Variants in GIGYF2 observed in about 807,000 individuals in gnomAD.
The protein encoded by GIGYF2 is GRB10 interacting GYF protein 2.
A neutral mutation model predicts 208.1 loss-of-function variants in GIGYF2; 25 were observed. The ratio of observed to expected loss-of-function variants is 0.12; its 90% CI spans 0.09 to 0.17. The LOEUF (loss-of-function observed/expected upper bound fraction) is 0.17. Ranked by LOEUF, GIGYF2 falls within the 10% of genes least tolerant of loss-of-function variation. The pLI is 1.00. For missense variants in GIGYF2, 1,302 were observed against 1,579.4 expected, an observed-to-expected ratio of 0.82 and a Z score of 2.98; for synonymous variants, 534 against 543.8, an observed-to-expected ratio of 0.98 and a Z score of 0.25.
chr2:232,827,003 A>G (rs2106403242), intron 21 of GIGYF2, among the ~76,000 whole-genome samples: 1 of 152,326 alleles, frequency 6.6e-6, no homozygotes, highest in East Asian at 1.9e-4. Context: ...TTTTCAATGT[A>G]GGTGAAACAG....
At chr2:232,845,909 C>A (rs370187374) in intron 26 of GIGYF2, 23 bp downstream of exon 26, 138 of 1,490,158 alleles carry the variant, frequency 9.3e-5, no homozygotes, top group Non-Finnish European at 1.3e-4. Context: ...GAGGGAAACC[C>A]GGCATGTGGA....
chr2:232,799,050 C>T (rs1014940044), intron 14 of GIGYF2, among the ~76,000 whole-genome samples: 2 of 151,736 alleles, frequency 1.3e-5, no homozygotes, highest in Non-Finnish European at 2.9e-5. Flanking sequence ...TAAGTGGAAT[C>T]GTGCAGTATT....
At chr2:232,747,534 T>C (rs896175724) in intron 3 of GIGYF2, 81 bp from the exon 4 acceptor site, 8 of 1,480,648 alleles carry the variant, frequency 5.4e-6, no homozygotes, top group Non-Finnish European at 7.5e-6. Flanking sequence ...AGAACTAAAA[T>C]GAATTTTTTT....
In GIGYF2 at chr2:232,860,514, A is replaced by G. The variant is rs1690738223; in HGVS notation, c.*3654A>G. The G allele has an allele frequency of 6.6e-6, 1 of 151,734 alleles. No homozygotes were observed. Among genetic ancestry groups the G allele is most frequent in the South Asian group, 2.1e-4 (1 of 4,830 alleles). The allele number at this position is 151,734 out of a possible 1,614,324, so 9.4% of individuals were successfully genotyped here. The stretch of plus-strand genomic sequence containing the variant: ...TACTTTAAAATTGACTGATAACAAA[A>G]TTGGTAATTTTGTATAAAATGCCCA... On this transcript the variant is annotated 3_prime_UTR_variant, in exon 29 of 29. Coordinates refer to ENST00000373563, the MANE Select transcript of GIGYF2 (RefSeq NM_001103146.3).
chr2:232,744,680 A>G (rs545751980), intron 3 of GIGYF2, among the ~76,000 whole-genome samples: 7 of 151,826 alleles, frequency 4.6e-5, no homozygotes, highest in African/African-American at 1.4e-4. Context: ...CAGAGGCATG[A>G]GCCACCATAC....
At chr2:232,756,193 TTC>T (rs748992728) in intron 5 of GIGYF2, 28 bp from the exon 6 acceptor site, 6 of 1,257,744 alleles carry the variant, frequency 4.8e-6, no homozygotes, top group East Asian at 4.7e-5. Context: ...TTTTTCCTTT[TTC>T]TCTTTTTTTT....
chr2:232,828,212 C>T (rs1701309130), intron 21 of GIGYF2, among the ~76,000 whole-genome samples: 1 of 152,182 alleles, frequency 6.6e-6, no homozygotes, highest in South Asian at 2.1e-4. Context: ...GTCTTGAACT[C>T]CTGGGCTCAA....
intron 3 of GIGYF2, 35 bp from the exon 4 acceptor site, chr2:232,747,580 A>G: frequency 6.2e-7 from 1 of 1,613,186 alleles, no homozygotes; most frequent in Admixed American, 1.7e-5. Context: ...GTAGCACCAG[A>G]ATGTTTGACA....
At chr2:232,740,126 GAACGAATATTTGGT>G (rs1697915929) in intron 3 of GIGYF2, among the ~76,000 whole-genome samples, 1 of 151,760 alleles carries the variant, frequency 6.6e-6, no homozygotes, top group Admixed American at 6.6e-5. Context: ...TCAAGCAAAC[GAACGAATATTTGGT>G]GATTTAAAAC....
At chr2:232,800,395 C>T (rs1473270829) in intron 14 of GIGYF2, among the ~76,000 whole-genome samples, 6 of 152,172 alleles carry the variant, frequency 3.9e-5, no homozygotes, top group Non-Finnish European at 5.9e-5. Flanking sequence ...CTTTTTCCAT[C>T]GAATAGTCTT....
chr2:232,699,959 T>G (rs755455316), intron 1 of GIGYF2, among the ~76,000 whole-genome samples: 1 of 152,218 alleles, frequency 6.6e-6, no homozygotes, highest in Non-Finnish European at 1.5e-5. Flanking sequence ...TAGACATATT[T>G]TTTTGCAAAA....
chr2:232,731,881 T>C (rs1697512137), intron 2 of GIGYF2, among the ~76,000 whole-genome samples: 4 of 135,672 alleles, frequency 2.9e-5, no homozygotes, highest in Admixed American at 2.9e-4. Flanking sequence ...TTTATATTTT[T>C]TAAAAAAGCT....
chr2:232,771,527 G>T, intron 8 of GIGYF2: 1 of 537,932 alleles, frequency 1.9e-6, no homozygotes, highest in Non-Finnish European at 3.3e-6. Flanking sequence ...ACGTTAGATG[G>T]CATTTACTAA....
intron 24 of GIGYF2, 25 bp from the exon 25 acceptor site, chr2:232,844,344 T>G (rs368833268): frequency 6.2e-7 from 1 of 1,612,372 alleles, no homozygotes; most frequent in Non-Finnish European, 8.5e-7. Flanking sequence ...TTCACGATAA[T>G]CATTTTTCTC....
chr2:232,820,316 C>CT lies in GIGYF2; in HGVS notation c.2529+348dup, dbSNP rs199677992. Among the ~76,000 whole-genome samples the CT allele has an allele frequency of 1.6e-3, 227 of 138,742 alleles. 1 individual carries two copies. The highest frequency in any genetic ancestry group is 0.014 in the East Asian group (67 of 4,704). 91.0% of individuals were successfully genotyped at this position (138,742 alleles called of 152,430 possible). On this transcript the variant is annotated intron_variant, in intron 21 of 28. Coordinates refer to ENST00000373563, the MANE Select transcript of GIGYF2 (RefSeq NM_001103146.3). ...CTCATAAATCACCCAGCAATAATTT[C>CT]TTTTTTTTTTTTTTTTTGAGATGAG... is the stretch of plus-strand genomic sequence containing the variant.
intron 18 of GIGYF2, 45 bp from the exon 19 acceptor site, chr2:232,815,592 G>A (rs770376122): frequency 9.8e-6 from 10 of 1,017,786 alleles, no homozygotes; most frequent in African/African-American, 7.8e-5. Flanking sequence ...GTCACCATGT[G>A]TGTAAGCTCT....
chr2:232,749,302 A>G (rs1327870938), intron 5 of GIGYF2, among the ~76,000 whole-genome samples: 4 of 152,184 alleles, frequency 2.6e-5, no homozygotes, highest in Non-Finnish European at 5.9e-5. Context: ...CCTTAAGGAC[A>G]TTGGGAACCA....
At chr2:232,720,583 A>AT (rs1553605416) in intron 2 of GIGYF2, among the ~76,000 whole-genome samples, 15 of 144,984 alleles carry the variant, frequency 1.0e-4, no homozygotes, top group East Asian at 2.1e-4. Context: ...ATATATATAT[A>AT]TTTTTGTTTG....
intron 2 of GIGYF2, among the ~76,000 whole-genome samples, chr2:232,734,781 A>G (rs963681764): frequency 2.6e-5 from 4 of 152,168 alleles, no homozygotes; most frequent in Non-Finnish European, 5.9e-5. Context: ...ATTACTAGGA[A>G]GTAATATGAA....
Sources: gnomAD v4.1 joint callset for allele counts (sites outside exome capture counted in the v4.1 genomes callset) on GRCh38, gnomAD v4.1.1 for gene constraint, MANE v1.5 for transcripts, NCBI Gene and HGNC (gene_info 2026-07-23, HGNC 2026-07-21) for gene names.